PARL: variants seen among roughly 807,000 people sequenced by gnomAD.
PARL encodes presenilin associated rhomboid like.
In PARL, 44 loss-of-function variants were observed where a neutral mutation model predicts 51.6. The ratio of observed to expected loss-of-function variants is 0.85; its 90% CI spans 0.67 to 1.10. The LOEUF (loss-of-function observed/expected upper bound fraction) is 1.10, where lower values mean the gene tolerates loss of function less well. PARL is among the 50% of genes least tolerant of loss of function. PARL has a pLI of 0.00. For missense variants in PARL, 441 were observed against 469.5 expected (o/e 0.94, Z 0.56); for synonymous variants, 172 against 164.0 (o/e 1.05, Z -0.37).
At chr3:183,876,898 G>T (rs145447509) in intron 1 of PARL, among the ~76,000 whole-genome samples, 1,582 of 152,280 alleles carry the variant, frequency 0.01, 15 homozygotes, top group Middle Eastern at 0.027. Flanking sequence ...GGAAGTAACT[G>T]CAGATGCGGT....
At chr3:183,841,321 C>T (rs780433508) in intron 6 of PARL, among the ~76,000 whole-genome samples, 19 of 152,198 alleles carry the variant, frequency 1.2e-4, no homozygotes, top group Middle Eastern at 3.2e-3. Context: ...ACTTATCTTA[C>T]AAGCCAAACA....
In PARL at chr3:183,844,761, G is replaced by A. The variant is rs139515487; in HGVS notation, c.512-435C>T. The A allele has an allele frequency of 1.5e-3, 247 of 164,274 alleles. 1 individual carries two copies. Among genetic ancestry groups the A allele is most frequent in the African/African-American group, 5.5e-3 (228 of 41,734 alleles). 10.2% of individuals were successfully genotyped at this position (164,274 alleles called of 1,614,324 possible). A position where few individuals can be genotyped will look rare whatever the true frequency, so the allele number is the denominator to read the frequency against. ...GGTATGCTTCTTAAACTTACTGCCA[G>A]CTTATGGAAACATATGTGAGTCATC... On this transcript the variant is annotated intron_variant, in intron 4 of 9. Transcript: ENST00000317096.
At chr3:183,850,476 G>A (rs914828155) in intron 4 of PARL, among the ~76,000 whole-genome samples, 2 of 152,140 alleles carry the variant, frequency 1.3e-5, no homozygotes, top group African/African-American at 4.8e-5. Flanking sequence ...AATCAAATCT[G>A]CAAAGACCCT....
chr3:183,865,076 G>T (rs552887741), intron 3 of PARL, among the ~76,000 whole-genome samples: 1 of 152,052 alleles, frequency 6.6e-6, no homozygotes, highest in African/African-American at 2.4e-5. Context: ...GGGAGGCCAA[G>T]GTGGGAGATC....
At chr3:183,880,650 C>T (rs1319323839) in intron 1 of PARL, among the ~76,000 whole-genome samples, 7 of 152,132 alleles carry the variant, frequency 4.6e-5, no homozygotes, top group African/African-American at 1.4e-4. Flanking sequence ...GATCCACCCA[C>T]CTCAGCCTCC....
At chr3:183,839,379 T>C (rs369200205) in intron 7 of PARL, among the ~76,000 whole-genome samples, 27 of 152,316 alleles carry the variant, frequency 1.8e-4, no homozygotes, top group African/African-American at 6.3e-4. Context: ...AAATCTGCCA[T>C]TAAACTCAAA....
At chr3:183,844,096 T>C in intron 5 of PARL, 135 bp downstream of exon 5, 1 of 738,662 alleles carries the variant, frequency 1.4e-6, no homozygotes, top group Admixed American at 1.9e-5. Flanking sequence ...GTGAAGGAGC[T>C]TACAGCCTAT....
At chr3:183,878,071 G>A (rs1032976182) in intron 1 of PARL, among the ~76,000 whole-genome samples, 1 of 152,114 alleles carries the variant, frequency 6.6e-6, no homozygotes, top group South Asian at 2.1e-4. Context: ...GATTACAGGC[G>A]TGAGCCACCG....
At chr3:183,883,742 T>G (rs1276680428) in intron 1 of PARL, 1 of 969,604 alleles carries the variant, frequency 1.0e-6, no homozygotes, top group East Asian at 1.1e-4. Flanking sequence ...CTGATAAAAT[T>G]CACCTGGAAT....
chr3:183,856,593 T>A (rs1383214090), intron 4 of PARL: 1 of 152,192 alleles, frequency 6.6e-6, no homozygotes, highest in Non-Finnish European at 1.5e-5. Context: ...CCATCTTCCA[T>A]CCTCCCACTG....
At chr3:183,855,030 G>GTGA (rs1308022452) in intron 4 of PARL, among the ~76,000 whole-genome samples, 1 of 152,110 alleles carries the variant, frequency 6.6e-6, no homozygotes, top group African/African-American at 2.4e-5. Flanking sequence ...ATTATGCTAA[G>GTGA]TGAAAGAAAC....
chr3:183,843,397 G>A (rs987318365), intron 5 of PARL: 4 of 484,824 alleles, frequency 8.3e-6, no homozygotes, highest in African/African-American at 6.3e-5. Context: ...TGCACCTGTA[G>A]TCCCAGCTCC....
intron 4 of PARL, among the ~76,000 whole-genome samples, chr3:183,849,783 T>C (rs967439152): frequency 6.6e-6 from 1 of 152,108 alleles, no homozygotes; most frequent in Non-Finnish European, 1.5e-5. Flanking sequence ...AGTCATCTCA[T>C]ACAGGTCTGA....
At chr3:183,865,945 T>G (rs1732425161) in intron 3 of PARL, among the ~76,000 whole-genome samples, 1 of 151,256 alleles carries the variant, frequency 6.6e-6, no homozygotes, top group Admixed American at 6.6e-5. Context: ...AGTGGCACAA[T>G]CTCGTCTCAC....
chr3:183,843,570 C>G lies in PARL; in HGVS notation c.607+661G>C, dbSNP rs190387383. Among the ~76,000 whole-genome samples the G allele has an allele frequency of 1.1e-3, 160 of 152,264 alleles. 1 individual carries two copies. The highest frequency in any genetic ancestry group is 3.7e-3 in the African/African-American group (154 of 41,560). ...AATTGGCCGGGCGCAGTGGCTCACG[C>G]CTATAATCCCAGCACTTTGGGAGGC... On this transcript the variant is annotated intron_variant, in intron 5 of 9. Transcript: ENST00000317096.
intron 1 of PARL, among the ~76,000 whole-genome samples, chr3:183,882,245 TTATA>T (rs71963110): frequency 0.049 from 1,422 of 29,160 alleles, 72 homozygotes; most frequent in East Asian, 0.082. Context: ...ATATATATAT[TTATA>T]TATATATATA....
chr3:183,843,469 C>T (rs563248603), intron 5 of PARL: 2 of 154,026 alleles, frequency 1.3e-5, no homozygotes, highest in South Asian at 2.1e-4. Flanking sequence ...GAGCCAAGAT[C>T]GTATCACTGC....
chr3:183,871,932 G>A (rs993598476), intron 1 of PARL, among the ~76,000 whole-genome samples: 2 of 151,936 alleles, frequency 1.3e-5, no homozygotes, highest in Admixed American at 6.6e-5. Context: ...ATCTTAATAG[G>A]CATTTTGGAA....
downstream of PARL, chr3:183,826,817 T>C (rs1727448085): frequency 1.0e-6 from 1 of 982,858 alleles, no homozygotes; most frequent in Non-Finnish European, 1.2e-6. Flanking sequence ...GCCTGGCAGA[T>C]GGCGCTTGGG....
Sources: gnomAD v4.1 joint callset for allele counts (sites outside exome capture counted in the v4.1 genomes callset) on GRCh38, gnomAD v4.1.1 for gene constraint, MANE v1.5 for transcripts, NCBI Gene and HGNC (gene_info 2026-07-23, HGNC 2026-07-21) for gene names.